UNC13C: variants seen among roughly 807,000 people sequenced by gnomAD.
The protein encoded by UNC13C is protein unc-13 homolog C.
Under a neutral mutation model 245.4 loss-of-function variants are expected in UNC13C, and 174 were observed. That is an observed-to-expected ratio of 0.71 (90% confidence interval 0.63 to 0.80). UNC13C has a LOEUF of 0.80. Ranked by LOEUF, UNC13C falls within the 30% of genes least tolerant of loss-of-function variation. The pLI, the probability that UNC13C is intolerant of heterozygous loss-of-function variation, is 0.00. For missense variants in UNC13C, 2,829 were observed against 2,602.9 expected, an observed-to-expected ratio of 1.09 and a Z score of -1.89; for synonymous variants, 992 against 895.1, an observed-to-expected ratio of 1.11 and a Z score of -1.93.
At chr15:54,075,572 A>G (rs1898568437) in intron 2 of UNC13C, among the ~76,000 whole-genome samples, 1 of 150,112 alleles carries the variant, frequency 6.7e-6, no homozygotes, top group Non-Finnish European at 1.5e-5. Context: ...AAAAAAAAAA[A>G]AAAAAAGGAG....
At chr15:54,187,903 G>A (rs779817083) in intron 4 of UNC13C, among the ~76,000 whole-genome samples, 8 of 151,964 alleles carry the variant, frequency 5.3e-5, no homozygotes, top group African/African-American at 1.2e-4. Flanking sequence ...TCCACCTCCC[G>A]GGTGCAAGTG....
chr15:54,056,316 C>T (rs1218534369), intron 2 of UNC13C, among the ~76,000 whole-genome samples: 1 of 152,072 alleles, frequency 6.6e-6, no homozygotes, highest in African/African-American at 2.4e-5. Context: ...GACGAATGCA[C>T]AAGCCTCAGT....
At chr15:53,867,962 C>T in the UNC13C span, among the ~76,000 whole-genome samples, 2 of 152,122 alleles carry the variant, frequency 1.3e-5, no homozygotes, top group Non-Finnish European at 2.9e-5. Context: ...TCCCAAGTAG[C>T]TGGGACCACA....
At chr15:54,452,927 C>T (rs1891260675) in intron 19 of UNC13C, among the ~76,000 whole-genome samples, 1 of 152,204 alleles carries the variant, frequency 6.6e-6, no homozygotes, top group African/African-American at 2.4e-5. Context: ...CAGTAGCCAG[C>T]AGCAGCAGCT....
chr15:54,151,394 A>T (rs2032508310), intron 4 of UNC13C, among the ~76,000 whole-genome samples: 1 of 152,122 alleles, frequency 6.6e-6, no homozygotes, highest in South Asian at 2.1e-4. Context: ...TCATTATATG[A>T]AAACTACTCT....
At chr15:54,511,727 A>G (rs748288849) in intron 23 of UNC13C, 26 bp from the exon 24 acceptor site, 36 of 1,511,292 alleles carry the variant, frequency 2.4e-5, no homozygotes, top group Non-Finnish European at 3.3e-5. Flanking sequence ...GATTGCTCAT[A>G]ATAGTCTTTT....
chr15:54,275,533 G>A (rs1233768013), intron 10 of UNC13C, among the ~76,000 whole-genome samples: 1 of 151,862 alleles, frequency 6.6e-6, no homozygotes, highest in African/African-American at 2.4e-5. Flanking sequence ...TCTAGTTATT[G>A]CTTTAGAGTT....
intron 17 of UNC13C, among the ~76,000 whole-genome samples, chr15:54,380,185 A>T (rs543337408): frequency 1.3e-5 from 2 of 150,970 alleles, no homozygotes; most frequent in Non-Finnish European, 2.9e-5. Context: ...CCATTCTACT[A>T]TCTACTTCTA....
At chr15:54,239,020 G>T (rs1050617253) in intron 7 of UNC13C, among the ~76,000 whole-genome samples, 1 of 152,166 alleles carries the variant, frequency 6.6e-6, no homozygotes, top group African/African-American at 2.4e-5. Flanking sequence ...CGGTAAATGT[G>T]TCTTGCACAT....
rs750282527 is a variant in UNC13C at position 54,511,833 on chromosome 15, G to A, written c.5457+3G>A. On this transcript the variant is annotated splice_donor_region_variant and intron_variant, in intron 24 of 32. Transcript: ENST00000260323. ...TTGAATCCATGGGAGGGAAGGAGGT[G>A]GGTATCTTTTTCTCCTACATTTGCT... is the stretch of plus-strand genomic sequence containing the variant. 6.9e-6 allele frequency: 11 copies of A among 1,588,692 alleles called. No individual in the cohort carries two copies. The highest frequency in any genetic ancestry group is 6.8e-5 in the South Asian group (6 of 87,742).
the UNC13C span, among the ~76,000 whole-genome samples, chr15:53,865,519 C>T: frequency 6.6e-6 from 1 of 152,092 alleles, no homozygotes; most frequent in Non-Finnish European, 1.5e-5. Context: ...AGGGCCCCAA[C>T]CTAAAGGCCT....
chr15:54,009,073 T>C (rs1328311823), intron 1 of UNC13C, among the ~76,000 whole-genome samples: 1 of 152,188 alleles, frequency 6.6e-6, no homozygotes, highest in South Asian at 2.1e-4. Context: ...ACTCACCAAC[T>C]CTTTCCCTAA....
At chr15:54,516,347 G>A (rs2141123955) in intron 24 of UNC13C, among the ~76,000 whole-genome samples, 1 of 152,280 alleles carries the variant, frequency 6.6e-6, no homozygotes, top group East Asian at 1.9e-4. Flanking sequence ...ACTACCTGAT[G>A]AGTTTATGAA....
intron 17 of UNC13C, among the ~76,000 whole-genome samples, chr15:54,365,191 A>C (rs1335787005): frequency 6.6e-6 from 1 of 151,908 alleles, no homozygotes; most frequent in African/African-American, 2.4e-5. Flanking sequence ...GACTTGGCTC[A>C]ATGCAGGCTC....
intron 18 of UNC13C, among the ~76,000 whole-genome samples, chr15:54,413,478 A>G (rs1037621641): frequency 1.3e-5 from 2 of 152,176 alleles, no homozygotes; most frequent in South Asian, 2.1e-4. Flanking sequence ...TTTGAAATAA[A>G]TTGTTTGCCT....
At chr15:54,186,898 G>T (rs2034009119) in intron 4 of UNC13C, among the ~76,000 whole-genome samples, 1 of 144,320 alleles carries the variant, frequency 6.9e-6, no homozygotes, top group African/African-American at 2.5e-5. Flanking sequence ...ACCGAGGCTG[G>T]AGTGCAGTGG....
In UNC13C at chr15:54,525,542, T is replaced by C. The variant is rs1895413594; in HGVS notation, c.5458-7T>C. 1 of 1,609,576 alleles carries C rather than the reference T, an allele frequency of 6.2e-7. No individual in the cohort carries two copies. The highest frequency in any genetic ancestry group is 8.5e-7 in the Non-Finnish European group (1 of 1,177,414). ...CCAAAGTAATATTGTTTATGGTCTC[T>C]CTGCAGCTAGATTCTGAAGCTAGTA... On this transcript the variant is annotated splice_region_variant and splice_polypyrimidine_tract_variant and intron_variant, in intron 24 of 32. Transcript: ENST00000260323.
chr15:54,626,689 G>A, intron 32 of UNC13C, 139 bp from the exon 33 acceptor site: 1 of 812,192 alleles, frequency 1.2e-6, no homozygotes, highest in Non-Finnish European at 1.9e-6. Flanking sequence ...AATTTAAAGG[G>A]TTAAAATACA....
intron 2 of UNC13C, among the ~76,000 whole-genome samples, chr15:54,140,388 T>C (rs1374930380): frequency 1.3e-5 from 2 of 152,022 alleles, no homozygotes; most frequent in South Asian, 2.1e-4. Flanking sequence ...TTCAGGAATG[T>C]GGTAAAAGTA....
Sources: gnomAD v4.1 joint callset for allele counts (sites outside exome capture counted in the v4.1 genomes callset) on GRCh38, gnomAD v4.1.1 for gene constraint, MANE v1.5 for transcripts, NCBI Gene and HGNC (gene_info 2026-07-23, HGNC 2026-07-21) for gene names.